EFHB: variants seen among roughly 807,000 people sequenced by gnomAD.
The protein encoded by EFHB is EF-hand domain family member B.
EFHB carries 91 observed loss-of-function variants against 87.2 expected under a neutral mutation model. The ratio of observed to expected loss-of-function variants is 1.04; its 90% CI spans 0.88 to 1.24. The LOEUF (loss-of-function observed/expected upper bound fraction) is 1.24. EFHB is among the 50% of genes most tolerant of loss of function. The pLI, the probability that EFHB is intolerant of heterozygous loss-of-function variation, is 0.00. For missense variants in EFHB, 1,084 were observed against 998.8 expected (o/e 1.09, Z -1.15); for synonymous variants, 325 against 333.6 (o/e 0.97, Z 0.28).
In EFHB at chr3:19,904,555, C is replaced by T. The variant is rs185252897; in HGVS notation, c.1418+1065G>A. On this transcript the variant is annotated intron_variant, in intron 6 of 12. Transcript: ENST00000295824. ...TGGCTGTTGGCATTACTTCGCATTC[C>T]TTGGTTATAGGCACATCACACCAAT... is the stretch of plus-strand genomic sequence containing the variant. 2.0e-3 allele frequency among the ~76,000 whole-genome samples: 298 copies of T among 152,260 alleles called. 2 individuals are homozygous for T. Among genetic ancestry groups the T allele is most frequent in the African/African-American group, 6.9e-3 (285 of 41,552 alleles).
intron 9 of EFHB, among the ~76,000 whole-genome samples, chr3:19,895,480 CAAAAA>C (rs746098754): frequency 1.0e-5 from 1 of 99,738 alleles, no homozygotes. Flanking sequence ...GACTCGGTCT[CAAAAA>C]AAAAAAAAAG....
At chr3:19,886,752 A>G (rs1200432269) in intron 10 of EFHB, among the ~76,000 whole-genome samples, 1 of 152,044 alleles carries the variant, frequency 6.6e-6, no homozygotes, top group African/African-American at 2.4e-5. Context: ...ACAACAATGT[A>G]AGAATTTTTG....
At position 19,887,382 on chromosome 3, in the gene EFHB, C is replaced by CAA. The variant is rs532733257; in HGVS notation, c.1933+1060_1933+1061dup. Among the ~76,000 whole-genome samples the CAA allele has an allele frequency of 4.8e-3, 462 of 95,456 alleles. 8 individuals are homozygous for CAA. The highest frequency in any genetic ancestry group is 0.015 in the African/African-American group (431 of 29,490). 62.6% of individuals were successfully genotyped at this position (95,456 alleles called of 152,430 possible). On this transcript the variant is annotated intron_variant, in intron 10 of 12. Coordinates refer to ENST00000295824, the MANE Select transcript of EFHB (RefSeq NM_144715.4). The stretch of plus-strand genomic sequence containing the variant: ...CCTGGGCAACAGAGCAAGACCCTAT[C>CAA]AAAAAAAAAAAAAAAAAAAGGAAGA...
intron 8 of EFHB, 42 bp from the exon 9 acceptor site, chr3:19,896,883 TTTC>T: frequency 6.7e-7 from 1 of 1,495,766 alleles, no homozygotes; most frequent in Non-Finnish European, 9.0e-7. Context: ...ATTTAAAGTC[TTTC>T]TATATTATTT....
intron 6 of EFHB, among the ~76,000 whole-genome samples, chr3:19,904,001 A>G (rs1345035452): frequency 6.6e-6 from 1 of 152,184 alleles, no homozygotes; most frequent in Non-Finnish European, 1.5e-5. Flanking sequence ...ATAATATATA[A>G]AGTGCTCAGA....
At chr3:19,930,233 A>G (rs1044392378) in intron 1 of EFHB, among the ~76,000 whole-genome samples, 1 of 152,230 alleles carries the variant, frequency 6.6e-6, no homozygotes. Flanking sequence ...TTGTGTTATA[A>G]TCAAAATAAA....
chr3:19,910,351 G>T (rs60389798), intron 5 of EFHB, among the ~76,000 whole-genome samples: 4,303 of 152,196 alleles, frequency 0.028, 187 homozygotes, highest in African/African-American at 0.096. Flanking sequence ...TGGCTACCCA[G>T]TGAGGTTCCT....
At chr3:19,939,370 C>CTTTTTT (rs147510880) in intron 1 of EFHB, among the ~76,000 whole-genome samples, 2,218 of 64,578 alleles carry the variant, frequency 0.034, 489 homozygotes, top group Middle Eastern at 0.11. Context: ...GTTGGGTCTC[C>CTTTTTT]TTTTTTTTTT....
intron 12 of EFHB, among the ~76,000 whole-genome samples, chr3:19,881,388 CA>C (rs1476074213): frequency 6.6e-6 from 1 of 152,178 alleles, no homozygotes; most frequent in Admixed American, 6.5e-5. Flanking sequence ...TTATTCCAAG[CA>C]GGTCTTTGAC....
chr3:19,919,733 G>T, intron 3 of EFHB, 100 bp downstream of exon 3: 2 of 1,184,682 alleles, frequency 1.7e-6, no homozygotes, highest in Non-Finnish European at 2.4e-6. Context: ...AAATATGGGT[G>T]GGAAGGAGAT....
intron 11 of EFHB, among the ~76,000 whole-genome samples, chr3:19,882,951 G>A (rs574408403): frequency 3.0e-4 from 45 of 151,800 alleles, no homozygotes; most frequent in African/African-American, 1.0e-3. Flanking sequence ...AATATATATC[G>A]TATTAAAATT....
chr3:19,897,496 C>G (rs2929381), intron 8 of EFHB, among the ~76,000 whole-genome samples: 74,170 of 151,910 alleles, frequency 0.49, 20,252 homozygotes, highest in African/African-American at 0.75. Flanking sequence ...TCCTGCCTCT[C>G]TTCATTTTCC....
intron 8 of EFHB, among the ~76,000 whole-genome samples, chr3:19,897,340 C>T (rs1406857615): frequency 6.6e-6 from 1 of 152,222 alleles, no homozygotes; most frequent in African/African-American, 2.4e-5. Context: ...CATTTCTCAG[C>T]CTTGCTTCCA....
At chr3:19,912,025 A>C (rs1030543416) in intron 5 of EFHB, among the ~76,000 whole-genome samples, 1 of 152,150 alleles carries the variant, frequency 6.6e-6, no homozygotes, top group African/African-American at 2.4e-5. Flanking sequence ...AGATAGGAGT[A>C]GAAAGTTTAT....
chr3:19,886,548 GC>G (rs1351850491), intron 10 of EFHB, among the ~76,000 whole-genome samples: 4 of 151,808 alleles, frequency 2.6e-5, no homozygotes, highest in African/African-American at 9.7e-5. Flanking sequence ...TTCACAACCA[GC>G]CTGGGCAACA....
chr3:19,888,510 C>T lies in EFHB; in HGVS notation c.1867G>A (p.Ala623Thr), dbSNP rs746293003. ...TTGTCTTTCCAGTTAAGAAAATTTG[C>T]GAATTCCAGATAGTTAATGAAGCCA... The part of the protein sequence containing the change: ...NDGFINYLEF[A>T]NFLNWKDKML... Residue 623 changes from alanine (A) to threonine (T), a missense_variant, in exon 10 of 13, where the codon GCA (alanine) becomes ACA (threonine). Coordinates refer to ENST00000295824, the MANE Select transcript of EFHB (RefSeq NM_144715.4). The T allele has an allele frequency of 3.9e-5, 61 of 1,577,228 alleles. No individual in the cohort carries two copies. Among genetic ancestry groups the T allele is most frequent in the East Asian group, 3.0e-4 (13 of 43,890 alleles).
intron 8 of EFHB, 56 bp from the exon 9 acceptor site, chr3:19,896,897 C>T: frequency 6.9e-7 from 1 of 1,447,278 alleles, no homozygotes; most frequent in Non-Finnish European, 9.2e-7. Flanking sequence ...TATATTATTT[C>T]TATCTTTTAA....
chr3:19,901,310 GAAT>G (rs1184417937), intron 6 of EFHB, among the ~76,000 whole-genome samples: 3 of 152,110 alleles, frequency 2.0e-5, no homozygotes, highest in Admixed American at 1.3e-4. Context: ...GTGATTAAAT[GAAT>G]AAAATTTCTT....
intron 1 of EFHB, chr3:19,940,927 GTAT>G: frequency 3.0e-6 from 1 of 337,936 alleles, no homozygotes; most frequent in Non-Finnish European, 5.9e-6. Flanking sequence ...AGGAATGGTA[GTAT>G]TATGCTTAAT....
Sources: allele counts gnomAD v4.1 joint callset (sites outside exome capture counted in the v4.1 genomes callset), GRCh38; gene constraint gnomAD v4.1.1; transcripts MANE v1.5; gene names NCBI Gene and HGNC (gene_info 2026-07-23, HGNC 2026-07-21).